Variants in ANXA13 observed in about 807,000 individuals in gnomAD.
ANXA13 encodes annexin A13, also known as annexin XIII.
Under a neutral mutation model 46.6 loss-of-function variants are expected in ANXA13, and 36 were observed. The ratio of observed to expected loss-of-function variants is 0.77; its 90% CI spans 0.59 to 1.02. The LOEUF is 1.02. Among genes scored for constraint, ANXA13 ranks in the 50% least tolerant of loss-of-function variants. The probability of loss-of-function intolerance (pLI) is 0.00; values close to 1 mark genes in which losing one functional copy is unlikely to be tolerated. For synonymous variants in ANXA13, 163 were observed against 152.9 expected, an observed-to-expected ratio of 1.07 and a Z score of -0.49; for missense variants, 417 against 396.5, an observed-to-expected ratio of 1.05 and a Z score of -0.44.
At chr8:123,732,082 A>C (rs534158993) in intron 1 of ANXA13, among the ~76,000 whole-genome samples, 1 of 152,294 alleles carries the variant, frequency 6.6e-6, no homozygotes, top group South Asian at 2.1e-4. Flanking sequence ...CAATAGGTTA[A>C]TCTTCTATTT....
At chr8:123,706,755 C>T (rs915086071) in intron 2 of ANXA13, among the ~76,000 whole-genome samples, 3 of 152,358 alleles carry the variant, frequency 2.0e-5, no homozygotes, top group Admixed American at 1.3e-4. Context: ...CAGAATGAGG[C>T]TTCAACTCTG....
At chr8:123,702,570 T>C (rs1332060572) in intron 3 of ANXA13, 72 bp downstream of exon 3, 1 of 1,211,880 alleles carries the variant, frequency 8.3e-7, no homozygotes, top group Non-Finnish European at 1.2e-6. Context: ...CTGCGTGGCC[T>C]GGGGACATGA....
At chr8:123,702,164 C>T (rs935963365) in intron 3 of ANXA13, among the ~76,000 whole-genome samples, 1 of 151,880 alleles carries the variant, frequency 6.6e-6, no homozygotes, top group South Asian at 2.1e-4. Context: ...GAAGACTTCT[C>T]TCTATAAAAT....
chr8:123,736,887 A>T (rs1004877736), intron 1 of ANXA13, among the ~76,000 whole-genome samples: 4 of 112,706 alleles, frequency 3.5e-5, no homozygotes, highest in Non-Finnish European at 6.7e-5. Flanking sequence ...TCACTCTTGT[A>T]GTCCAGGCTG....
intron 3 of ANXA13, among the ~76,000 whole-genome samples, chr8:123,702,256 GT>G (rs11410415): frequency 6.6e-6 from 1 of 151,910 alleles, no homozygotes; most frequent in East Asian, 1.9e-4. Context: ...AAAATGGAGA[GT>G]TTTTTTGGTA....
chr8:123,688,954 G>A lies in ANXA13; in HGVS notation c.643-8C>T, dbSNP rs756632548. 57 of 1,613,130 alleles carry A rather than the reference G, an allele frequency of 3.5e-5. No homozygotes were observed. The highest frequency in any genetic ancestry group is 6.7e-5 in the Admixed American group (4 of 59,962). ...TATGTCTTTGCCAATGAGCTGCAGC[G>A]AAAACCAAAATCAACTGTTATTCCA... On this transcript the variant is annotated splice_polypyrimidine_tract_variant and splice_region_variant and intron_variant, in intron 8 of 10. Coordinates refer to ENST00000419625, the MANE Select transcript of ANXA13 (RefSeq NM_004306.4).
chr8:123,735,731 T>G (rs1382880790), intron 1 of ANXA13: 1 of 1,601,176 alleles, frequency 6.2e-7, no homozygotes, highest in African/African-American at 1.3e-5. Context: ...TACCTATGAT[T>G]TGGGGGGAAA....
At chr8:123,691,030 G>A (rs546002461) in intron 8 of ANXA13, among the ~76,000 whole-genome samples, 13 of 152,306 alleles carry the variant, frequency 8.5e-5, no homozygotes, top group Non-Finnish European at 1.5e-4. Flanking sequence ...ATTTGGTAAC[G>A]CTGGGGACTG....
chr8:123,724,217 C>A (rs1813938745), intron 1 of ANXA13, among the ~76,000 whole-genome samples: 1 of 152,178 alleles, frequency 6.6e-6, no homozygotes, highest in Non-Finnish European at 1.5e-5. Context: ...GTCCTAAGAC[C>A]TTCGGGTGTG....
chr8:123,684,761 C>G (rs201789757), intron 9 of ANXA13, 39 bp from the exon 10 acceptor site: 2 of 1,498,612 alleles, frequency 1.3e-6, no homozygotes, highest in Non-Finnish European at 1.9e-6. Flanking sequence ...GAGGCTTTCA[C>G]GTTTTGTGGA....
chr8:123,700,747 T>G (rs1185657261), intron 3 of ANXA13, among the ~76,000 whole-genome samples: 3 of 152,084 alleles, frequency 2.0e-5, no homozygotes, highest in Non-Finnish European at 4.4e-5. Context: ...TCTCTTTCAT[T>G]CTTTTGTTCT....
At chr8:123,731,299 C>G (rs1211221100) in intron 1 of ANXA13, among the ~76,000 whole-genome samples, 1 of 152,134 alleles carries the variant, frequency 6.6e-6, no homozygotes, top group Non-Finnish European at 1.5e-5. Context: ...ACATTAGAAT[C>G]ATTTGGGGAG....
Position 123,686,980 on chromosome 8 carries a change from C to T in ANXA13, c.718+1891G>A, listed in dbSNP as rs569360690. On this transcript the variant is annotated intron_variant, in intron 9 of 10. Coordinates refer to ENST00000419625, the MANE Select transcript of ANXA13 (RefSeq NM_004306.4). ...TCTTGGACTGTGTGGTCCTCAACCC[C>T]AGGGACTTGGCTTTTCTGTCATCTG... Among the ~76,000 whole-genome samples, 11 of 152,178 alleles carry T rather than the reference C, an allele frequency of 7.2e-5. 1 individual carries two copies. The highest frequency in any genetic ancestry group is 4.4e-5 in the Non-Finnish European group (3 of 68,038).
At chr8:123,721,967 T>C (rs1813881897) in intron 1 of ANXA13, among the ~76,000 whole-genome samples, 1 of 152,124 alleles carries the variant, frequency 6.6e-6, no homozygotes, top group Non-Finnish European at 1.5e-5. Flanking sequence ...TAATGGGTTT[T>C]TGGGGTTATT....
rs538442987 is a variant in ANXA13, at chr8:123,735,284, T to C, written c.15+2036A>G. ...CATTTAATTTATATATTTGTTTTGG[T>C]TGTGTAGCTGTTTCAAAACCACCAG... On this transcript the variant is annotated intron_variant, in intron 1 of 10. Coordinates refer to ENST00000419625, the MANE Select transcript of ANXA13 (RefSeq NM_004306.4). Among the ~76,000 whole-genome samples, 4 of 152,322 alleles carry C rather than the reference T, an allele frequency of 2.6e-5. No individual in the cohort carries two copies. The East Asian group carries it at 7.7e-4, about 29-fold the overall frequency.
chr8:123,733,425 T>C (rs1482192349), intron 1 of ANXA13, among the ~76,000 whole-genome samples: 2 of 152,158 alleles, frequency 1.3e-5, no homozygotes. Flanking sequence ...CTGGATCTAT[T>C]TCCCCACTTG....
chr8:123,683,908 T>A (rs529756374), intron 10 of ANXA13, among the ~76,000 whole-genome samples: 90 of 152,286 alleles, frequency 5.9e-4, no homozygotes, highest in African/African-American at 2.1e-3. Context: ...TGACGGCTGC[T>A]CCCAAGCCGT....
rs138269808 is a variant in ANXA13, at chr8:123,698,537, C to T, written c.209G>A (p.Ser70Asn). 1.1e-5 allele frequency: 18 copies of T among 1,614,102 alleles called. No homozygotes were observed. Among genetic ancestry groups the T allele is most frequent in the African/African-American group, 2.7e-5 (2 of 74,946 alleles). The part of the protein sequence containing the change: ...YGKELEEVLK[S>N]ELSGNFEKTA... ...CTTCTCGAAGTTTCCACTCAGCTCACTCTTGAGTACTTCCTCCAGCTCCTA... is the reference window on the plus strand; with the variant it reads ...CTTCTCGAAGTTTCCACTCAGCTCATTCTTGAGTACTTCCTCCAGCTCCTA... The change falls in exon 4 of 11, where the codon AGT (serine) becomes AAT (asparagine). Residue 70 changes from serine (S) to asparagine (N), a missense_variant. By Grantham distance (46) the Ser-to-Asn change is conservative. Coordinates refer to ENST00000419625, the MANE Select transcript of ANXA13 (RefSeq NM_004306.4).
chr8:123,720,929 G>A (rs908489625), intron 1 of ANXA13, among the ~76,000 whole-genome samples: 3 of 152,066 alleles, frequency 2.0e-5, no homozygotes, highest in Admixed American at 6.5e-5. Context: ...AATTTTTTAA[G>A]TGTGTAATAA....
Sources: allele counts gnomAD v4.1 joint callset (sites outside exome capture counted in the v4.1 genomes callset), GRCh38; gene constraint gnomAD v4.1.1; transcripts MANE v1.5; gene names NCBI Gene and HGNC (gene_info 2026-07-23, HGNC 2026-07-21).